GCNT1: variants seen among roughly 807,000 people sequenced by gnomAD.
The protein encoded by GCNT1 is glucosaminyl (N-acetyl) transferase 1, also known as beta-1,3-galactosyl-O-glycosyl-glycoprotein beta-1,6-N-acetylglucosaminyltransferase.
Under a neutral mutation model 26.2 loss-of-function variants are expected in GCNT1, and 16 were observed. The ratio of observed to expected loss-of-function variants is 0.61; its 90% confidence interval spans 0.41 to 0.93. The LOEUF (loss-of-function observed/expected upper bound fraction) is 0.93, where lower values mean the gene tolerates loss of function less well. GCNT1 is among the 40% of genes least tolerant of loss of function. The pLI is 0.00. For synonymous variants in GCNT1, 183 were observed against 190.8 expected, an observed-to-expected ratio of 0.96 and a Z score of 0.34; for missense variants, 477 against 526.7, an observed-to-expected ratio of 0.91 and a Z score of 0.92.
At chr9:76,430,180 G>A (rs1265389288) in intron 1 of GCNT1, among the ~76,000 whole-genome samples, 2 of 152,134 alleles carry the variant, frequency 1.3e-5, no homozygotes, top group Non-Finnish European at 2.9e-5. Context: ...GAAATAGGTG[G>A]CTGTTTTTTT....
Position 76,506,935 on chromosome 9 carries a change from C to T in GCNT1, c.*3267C>T, listed in dbSNP as rs1321312666. ...TTTCTCATATTAAATACAGACGCTC[C>T]TCAACTTATGATGTGGGTAGGTCCC... is the stretch of plus-strand genomic sequence containing the variant. On this transcript the variant is annotated 3_prime_UTR_variant, in exon 4 of 4. Coordinates refer to ENST00000376730, the MANE Select transcript of GCNT1 (RefSeq NM_001490.5). The T allele has an allele frequency of 6.0e-6, 1 of 167,024 alleles. No individual in the cohort carries two copies. Among genetic ancestry groups the T allele is most frequent in the Non-Finnish European group, 1.5e-5 (1 of 68,102 alleles). 10.3% of individuals were successfully genotyped at this position (167,024 alleles called of 1,614,324 possible). A position where few individuals can be genotyped will look rare whatever the true frequency, so the allele number is the denominator to read the frequency against.
Position 76,504,818 on chromosome 9 carries a change from T to G in GCNT1, c.*1150T>G. ...CCTGCCCCCTGGGTGGTAAGTTTCC[T>G]CCTTTCTCAACCTTCCACGAGGAGG... On this transcript the variant is annotated 3_prime_UTR_variant, in exon 4 of 4. Coordinates refer to ENST00000376730, the MANE Select transcript of GCNT1 (RefSeq NM_001490.5). 2.4e-6 allele frequency: 1 copy of G among 413,488 alleles called. No individual in the cohort carries two copies. Among genetic ancestry groups the G allele is most frequent in the Non-Finnish European group, 4.4e-6 (1 of 226,168 alleles). The allele number at this position is 413,488 out of a possible 1,614,324, so 25.6% of individuals were successfully genotyped here.
At chr9:76,436,713 G>A (rs527819190), upstream of GCNT1, among the ~76,000 whole-genome samples, 6 of 151,460 alleles carry the variant, frequency 4.0e-5, no homozygotes, top group Non-Finnish European at 8.8e-5. Context: ...CCAGTCACAA[G>A]CTGTGAGTAA....
chr9:76,447,051 A>G (rs1445312949), intron 1 of GCNT1, among the ~76,000 whole-genome samples: 1 of 139,302 alleles, frequency 7.2e-6, no homozygotes, highest in East Asian at 2.5e-4. Context: ...GCTACTTGGG[A>G]GGCTGAGGTA....
chr9:76,396,124 A>G, the GCNT1 span, among the ~76,000 whole-genome samples: 2 of 152,256 alleles, frequency 1.3e-5, no homozygotes, highest in South Asian at 2.1e-4. Context: ...GTCTTACGCC[A>G]CTAAGCCCTA....
chr9:76,425,137 TAAA>T (rs1194003045), intron 1 of GCNT1, among the ~76,000 whole-genome samples: 4 of 73,036 alleles, frequency 5.5e-5, no homozygotes, highest in Non-Finnish European at 4.9e-5. Flanking sequence ...AAACTCCGTC[TAAA>T]AAAAAAAAAA....
In GCNT1 at chr9:76,507,189, A is replaced by C. The variant is rs543297460; in HGVS notation, c.*3521A>C. The C allele has an allele frequency of 6.0e-6, 1 of 167,190 alleles. No individual in the cohort carries two copies. Among genetic ancestry groups the C allele is most frequent in the East Asian group, 1.9e-4 (1 of 5,196 alleles). 10.4% of individuals were successfully genotyped at this position (167,190 alleles called of 1,614,324 possible). ...AAACAATGATTGTATGGGTACTCAAAGTATAATTTCTACTGAATGCATATC... is the reference window on the plus strand; with the variant it reads ...AAACAATGATTGTATGGGTACTCAACGTATAATTTCTACTGAATGCATATC... On this transcript the variant is annotated 3_prime_UTR_variant, in exon 4 of 4. Coordinates refer to ENST00000376730, the MANE Select transcript of GCNT1 (RefSeq NM_001490.5).
upstream of GCNT1, among the ~76,000 whole-genome samples, chr9:76,418,613 T>C (rs1269595726): frequency 6.6e-6 from 1 of 152,126 alleles, no homozygotes; most frequent in Non-Finnish European, 1.5e-5. Flanking sequence ...TGCATAAACA[T>C]GAGGGAATTG....
chr9:76,435,951 C>CTTTTTT (rs398046579), intron 1 of GCNT1, among the ~76,000 whole-genome samples: 17 of 111,984 alleles, frequency 1.5e-4, no homozygotes, highest in Non-Finnish European at 2.7e-4. Flanking sequence ...GTTCCCATAT[C>CTTTTTT]TTTTTTTTTT....
At chr9:76,427,720 T>A (rs1434943406) in intron 1 of GCNT1, among the ~76,000 whole-genome samples, 2 of 152,142 alleles carry the variant, frequency 1.3e-5, no homozygotes, top group East Asian at 3.9e-4. Context: ...AAATGTTAGC[T>A]CTTGGCATGT....
chr9:76,413,674 T>G, the GCNT1 span, among the ~76,000 whole-genome samples: 15 of 150,266 alleles, frequency 1.0e-4, no homozygotes, highest in East Asian at 1.6e-3. Context: ...TTTTGTTTTT[T>G]TTTTTTTTTT....
chr9:76,467,647 T>C (rs1305877568), intron 2 of GCNT1, among the ~76,000 whole-genome samples: 1 of 152,228 alleles, frequency 6.6e-6, no homozygotes, highest in East Asian at 1.9e-4. Flanking sequence ...CTGAGTCCAG[T>C]TAAAGCCACT....
At chr9:76,483,802 A>C (rs1050028927) in intron 2 of GCNT1, among the ~76,000 whole-genome samples, 3 of 151,978 alleles carry the variant, frequency 2.0e-5, no homozygotes. Flanking sequence ...CTCATCCCCA[A>C]AGTCAATGAT....
intron 2 of GCNT1, among the ~76,000 whole-genome samples, chr9:76,487,822 C>A (rs1824620982): frequency 6.6e-6 from 1 of 152,194 alleles, no homozygotes; most frequent in Non-Finnish European, 1.5e-5. Flanking sequence ...GCAGCCTTGA[C>A]CTCCTGGGCT....
At chr9:76,470,745 T>C (rs376497426) in intron 2 of GCNT1, among the ~76,000 whole-genome samples, 1 of 152,168 alleles carries the variant, frequency 6.6e-6, no homozygotes, top group Non-Finnish European at 1.5e-5. Context: ...CCCATAAATA[T>C]ATACAATTAT....
Position 76,506,795 on chromosome 9 carries a change from A to G in GCNT1, c.*3127A>G, listed in dbSNP as rs189309868. 1.1e-4 allele frequency: 19 copies of G among 167,158 alleles called. No homozygotes were observed. In the East Asian group the frequency reaches 3.5e-3, roughly 30 times the overall value. The allele number at this position is 167,158 out of a possible 1,614,324, so 10.4% of individuals were successfully genotyped here. A position where few individuals can be genotyped will look rare whatever the true frequency, so the allele number is the denominator to read the frequency against. On this transcript the variant is annotated 3_prime_UTR_variant, in exon 4 of 4. Transcript: ENST00000376730. The stretch of plus-strand genomic sequence containing the variant: ...ATTAAGTACAGTTCACTTAAATAAC[A>G]TAAGTAGATTTTCTCTTGTAGTGAT...
intron 1 of GCNT1, among the ~76,000 whole-genome samples, chr9:76,425,971 A>G (rs968981488): frequency 6.6e-6 from 1 of 152,196 alleles, no homozygotes; most frequent in African/African-American, 2.4e-5. Flanking sequence ...AGGTTTTACA[A>G]CAGTGATATT....
At chr9:76,401,351 G>A in the GCNT1 span, among the ~76,000 whole-genome samples, 1 of 152,110 alleles carries the variant, frequency 6.6e-6, no homozygotes, top group African/African-American at 2.4e-5. Flanking sequence ...CTATAGCCTC[G>A]AAATCCTGGA....
At chr9:76,430,340 G>C (rs1273430694) in intron 1 of GCNT1, among the ~76,000 whole-genome samples, 3 of 151,852 alleles carry the variant, frequency 2.0e-5, no homozygotes, top group Non-Finnish European at 2.9e-5. Flanking sequence ...GCATTTTTCT[G>C]GTCATTAGTA....
Sources: allele counts gnomAD v4.1 joint callset (sites outside exome capture counted in the v4.1 genomes callset), GRCh38; gene constraint gnomAD v4.1.1; transcripts MANE v1.5; gene names NCBI Gene and HGNC (gene_info 2026-07-23, HGNC 2026-07-21).